The following DPP10 variants were observed in gnomAD, a reference collection of about 807,000 sequenced individuals.
DPP10 encodes the protein inactive dipeptidyl peptidase 10.
In DPP10, 33 loss-of-function variants were observed where a neutral mutation model predicts 120.9. The ratio of observed to expected loss-of-function variants is 0.27; its 90% CI spans 0.21 to 0.37. The LOEUF is 0.37. DPP10 is among the 10% of genes least tolerant of loss of function. The pLI is 1.00. For missense variants in DPP10, 816 were observed against 942.8 expected (o/e 0.87, Z 1.76); for synonymous variants, 337 against 326.1 (o/e 1.03, Z -0.36).
intron 1 of DPP10, among the ~76,000 whole-genome samples, chr2:114,868,337 AC>A (rs1690402683): frequency 9.3e-6 from 1 of 107,768 alleles, no homozygotes; most frequent in African/African-American, 3.5e-5. Flanking sequence ...AAAAAGTAGA[AC>A]TTTTTGGGAC....
chr2:114,909,713 A>G (rs1262009969), intron 1 of DPP10, among the ~76,000 whole-genome samples: 1 of 152,028 alleles, frequency 6.6e-6, no homozygotes, highest in Non-Finnish European at 1.5e-5. Context: ...AAAGAAAACA[A>G]CTGAAGTCAA....
At chr2:114,700,414 A>G (rs562542998) in intron 1 of DPP10, among the ~76,000 whole-genome samples, 1 of 152,244 alleles carries the variant, frequency 6.6e-6, no homozygotes, top group Non-Finnish European at 1.5e-5. Flanking sequence ...GTGTATGTAT[A>G]TTTTCCTGAA....
chr2:114,990,226 TGTG>T (rs571443171), intron 1 of DPP10, among the ~76,000 whole-genome samples: 72 of 152,260 alleles, frequency 4.7e-4, no homozygotes, highest in Middle Eastern at 3.4e-3. Context: ...TGTATAAACA[TGTG>T]GTCATAATTT....
Position 115,054,394 on chromosome 2 carries a change from C to A in DPP10, c.61-254845C>A, listed in dbSNP as rs569796253. Among the ~76,000 whole-genome samples, 149 of 152,168 alleles carry A rather than the reference C, an allele frequency of 9.8e-4. 1 individual carries two copies. In the Middle Eastern group the frequency reaches 0.02, roughly 21 times the overall value. ...TAAGCATATATCTGTTAATCTAGGT[C>A]TTTCATTATTTCCATACATAAGCCC... On this transcript the variant is annotated intron_variant, in intron 1 of 25. Transcript: ENST00000410059.
At chr2:115,144,603 G>A (rs909127372) in intron 1 of DPP10, among the ~76,000 whole-genome samples, 2 of 143,772 alleles carry the variant, frequency 1.4e-5, no homozygotes, top group African/African-American at 5.2e-5. Flanking sequence ...CTCATAGGTG[G>A]GAATTGAACA....
chr2:115,233,216 T>A (rs866157970), intron 1 of DPP10, among the ~76,000 whole-genome samples: 2,163 of 147,122 alleles, frequency 0.015, 58 homozygotes, highest in African/African-American at 0.049. Flanking sequence ...ATATTGAGTG[T>A]GTGTGTGTGT....
Position 115,791,431 on chromosome 2 carries a change from G to C in DPP10, c.1700+75G>C, listed in dbSNP as rs182157054. 41 of 1,327,730 alleles carry C rather than the reference G, an allele frequency of 3.1e-5. No individual in the cohort carries two copies. The East Asian group carries it at 9.1e-4, about 29-fold the overall frequency. The allele number at this position is 1,327,730 out of a possible 1,614,324, so 82.2% of individuals were successfully genotyped here. ...TTTTGTGTCTCACATGACAACATTTGATTCAATAAAGAAGAGAAGTCCTAT... is the reference window on the plus strand; with the variant it reads ...TTTTGTGTCTCACATGACAACATTTCATTCAATAAAGAAGAGAAGTCCTAT... On this transcript the variant is annotated intron_variant, in intron 19 of 25. Coordinates refer to ENST00000410059, the MANE Select transcript of DPP10 (RefSeq NM_020868.6).
rs1431894157 is a variant in DPP10, at chr2:115,844,364, A to T, written c.*2019A>T. The T allele has an allele frequency of 6.6e-6, 1 of 152,114 alleles. No individual in the cohort carries two copies. Among genetic ancestry groups the T allele is most frequent in the Admixed American group, 6.6e-5 (1 of 15,240 alleles). 9.4% of individuals were successfully genotyped at this position (152,114 alleles called of 1,614,324 possible). On this transcript the variant is annotated 3_prime_UTR_variant, in exon 26 of 26. Coordinates refer to ENST00000410059, the MANE Select transcript of DPP10 (RefSeq NM_020868.6). ...AAAGTATTTGCCTTTTACTGTCATCATTTCTCTTGTTTTATTATTATTATC... is the reference window on the plus strand; with the variant it reads ...AAAGTATTTGCCTTTTACTGTCATCTTTTCTCTTGTTTTATTATTATTATC...
At chr2:114,733,813 G>T (rs1347998160) in intron 1 of DPP10, among the ~76,000 whole-genome samples, 1 of 152,078 alleles carries the variant, frequency 6.6e-6, no homozygotes, top group Non-Finnish European at 1.5e-5. Context: ...GAAAGATCCA[G>T]ATGTTTCTAT....
chr2:114,717,626 C>T (rs1294047519), intron 1 of DPP10, among the ~76,000 whole-genome samples: 2 of 152,234 alleles, frequency 1.3e-5, no homozygotes, highest in East Asian at 1.9e-4. Flanking sequence ...TTTTTAGATA[C>T]TTGATGTTGC....
At chr2:115,270,630 A>G (rs2059659723) in intron 1 of DPP10, among the ~76,000 whole-genome samples, 3 of 152,148 alleles carry the variant, frequency 2.0e-5, no homozygotes. Context: ...CCACGTGGGG[A>G]GAGGAAGATT....
intron 1 of DPP10, among the ~76,000 whole-genome samples, chr2:114,624,623 C>T (rs1694361105): frequency 6.6e-6 from 1 of 151,852 alleles, no homozygotes; most frequent in Admixed American, 6.6e-5. Flanking sequence ...GGCAGGCACT[C>T]TGTGGTGCTT....
intron 3 of DPP10, among the ~76,000 whole-genome samples, chr2:115,381,299 C>T (rs1202484430): frequency 1.3e-5 from 2 of 152,126 alleles, no homozygotes; most frequent in East Asian, 1.9e-4. Flanking sequence ...TCATTTCATT[C>T]ATTTCATCTT....
chr2:114,513,296 G>T (rs966979221), intron 1 of DPP10, among the ~76,000 whole-genome samples: 1 of 152,104 alleles, frequency 6.6e-6, no homozygotes, highest in African/African-American at 2.4e-5. Flanking sequence ...GCCGAGGCAG[G>T]TGGATCATGA....
At chr2:115,673,733 G>T (rs2090074289) in intron 5 of DPP10, among the ~76,000 whole-genome samples, 1 of 152,072 alleles carries the variant, frequency 6.6e-6, no homozygotes, top group South Asian at 2.1e-4. Flanking sequence ...CATATTTTGG[G>T]TTCTGACTGT....
intron 1 of DPP10, among the ~76,000 whole-genome samples, chr2:115,136,186 A>G (rs2050642759): frequency 6.6e-6 from 1 of 152,054 alleles, no homozygotes; most frequent in African/African-American, 2.4e-5. Flanking sequence ...AAACATGTAA[A>G]TAGCAATTAT....
chr2:114,866,076 C>T (rs1258886270), intron 1 of DPP10, among the ~76,000 whole-genome samples: 1 of 151,700 alleles, frequency 6.6e-6, no homozygotes, highest in Non-Finnish European at 1.5e-5. Flanking sequence ...CGCGCCACTG[C>T]ACTCCAGCCC....
chr2:115,596,383 TATTTG>T (rs2082988886), intron 5 of DPP10, among the ~76,000 whole-genome samples: 1 of 152,192 alleles, frequency 6.6e-6, no homozygotes, highest in Non-Finnish European at 1.5e-5. Context: ...TCTGTTTAAA[TATTTG>T]ATTTAAGTAT....
chr2:114,737,258 C>T (rs781168764), intron 1 of DPP10, among the ~76,000 whole-genome samples: 6 of 152,180 alleles, frequency 3.9e-5, no homozygotes, highest in Non-Finnish European at 7.3e-5. Context: ...CTCAGGAAGA[C>T]GTTGCCCTCT....
Sources: allele counts gnomAD v4.1 joint callset (sites outside exome capture counted in the v4.1 genomes callset), GRCh38; gene constraint gnomAD v4.1.1; transcripts MANE v1.5; gene names NCBI Gene and HGNC (gene_info 2026-07-23, HGNC 2026-07-21).